IRAK1BP1: variants seen among roughly 807,000 people sequenced by gnomAD.
IRAK1BP1 encodes the protein interleukin-1 receptor-associated kinase 1-binding protein 1.
IRAK1BP1 carries 24 observed loss-of-function variants against 28.0 expected under a neutral mutation model. The ratio of observed to expected loss-of-function variants is 0.86; its 90% CI spans 0.62 to 1.20. The LOEUF (loss-of-function observed/expected upper bound fraction) is 1.20. IRAK1BP1 is among the 50% of genes most tolerant of loss of function. IRAK1BP1 has a pLI of 0.00. For synonymous variants in IRAK1BP1, 131 were observed against 116.3 expected, an observed-to-expected ratio of 1.13 and a Z score of -0.81; for missense variants, 336 against 316.7, an observed-to-expected ratio of 1.06 and a Z score of -0.46.
intron 2 of IRAK1BP1, among the ~76,000 whole-genome samples, chr6:78,892,504 T>C (rs933225318): frequency 2.0e-5 from 3 of 152,182 alleles, no homozygotes; most frequent in African/African-American, 7.2e-5. Flanking sequence ...GTATGAACTG[T>C]GGGATTTTAC....
chr6:78,970,873 G>C, the IRAK1BP1 span: 1 of 1,604,304 alleles, frequency 6.2e-7, no homozygotes, highest in African/African-American at 1.3e-5. Context: ...TCATGTCCTT[G>C]TCGGAAATAA....
the IRAK1BP1 span, among the ~76,000 whole-genome samples, chr6:78,961,514 A>T: frequency 6.6e-6 from 1 of 152,146 alleles, no homozygotes; most frequent in African/African-American, 2.4e-5. Context: ...TTAGAAATGC[A>T]GAATCTCAGG....
chr6:78,935,215 C>A (rs1179594816), intron 4 of IRAK1BP1, among the ~76,000 whole-genome samples: 1 of 151,858 alleles, frequency 6.6e-6, no homozygotes, highest in Non-Finnish European at 1.5e-5. Context: ...TTTTTTTTAC[C>A]TTCCTTCCTC....
intron 4 of IRAK1BP1, among the ~76,000 whole-genome samples, chr6:78,931,641 T>C (rs1406615089): frequency 6.6e-6 from 1 of 152,208 alleles, no homozygotes; most frequent in Non-Finnish European, 1.5e-5. Context: ...CTGTTACATG[T>C]GCAACAGAAT....
chr6:78,887,150 A>C (rs1357504882), intron 2 of IRAK1BP1, among the ~76,000 whole-genome samples: 1 of 152,182 alleles, frequency 6.6e-6, no homozygotes, highest in Non-Finnish European at 1.5e-5. Context: ...ATATGGAATG[A>C]GATTAGATGG....
At chr6:78,941,268 G>A in intron 4 of IRAK1BP1, 1 of 1,613,148 alleles carries the variant, frequency 6.2e-7, no homozygotes, top group Non-Finnish European at 8.5e-7. Flanking sequence ...AGTTTTGATG[G>A]CTGTCCTCCA....
chr6:78,918,254 G>T (rs1772613902), intron 4 of IRAK1BP1, among the ~76,000 whole-genome samples: 2 of 152,044 alleles, frequency 1.3e-5, no homozygotes, highest in Non-Finnish European at 1.5e-5. Flanking sequence ...CCATGATTAT[G>T]CCACTGCACT....
chr6:78,961,972 A>AC, the IRAK1BP1 span, among the ~76,000 whole-genome samples: 29 of 152,198 alleles, frequency 1.9e-4, no homozygotes, highest in Admixed American at 1.5e-3. Flanking sequence ...AAAGAGTCTC[A>AC]CTTTTTATTA....
chr6:78,924,441 A>G (rs1772830787), intron 4 of IRAK1BP1, among the ~76,000 whole-genome samples: 2 of 152,192 alleles, frequency 1.3e-5, no homozygotes. Flanking sequence ...TACCAAACAA[A>G]AAAAGCCCAG....
the IRAK1BP1 span, chr6:78,961,905 C>G: frequency 6.6e-6 from 6 of 912,836 alleles, no homozygotes; most frequent in African/African-American, 1.0e-4. Flanking sequence ...AAGTCCTAAT[C>G]TACATAATCA....
chr6:78,960,826 CA>C, the IRAK1BP1 span, among the ~76,000 whole-genome samples: 1 of 151,652 alleles, frequency 6.6e-6, no homozygotes, highest in South Asian at 2.1e-4. Context: ...AAATTTAAGT[CA>C]TAAAAAGAAC....
the IRAK1BP1 span, among the ~76,000 whole-genome samples, chr6:78,953,500 G>A: frequency 6.6e-6 from 1 of 152,180 alleles, no homozygotes; most frequent in Non-Finnish European, 1.5e-5. Context: ...AAATCCATAA[G>A]TTGTGAAAAC....
the IRAK1BP1 span, among the ~76,000 whole-genome samples, chr6:78,975,451 T>C: frequency 6.6e-6 from 1 of 152,202 alleles, no homozygotes; most frequent in Non-Finnish European, 1.5e-5. Flanking sequence ...GCATTCCCTT[T>C]GAAAACTGGC....
the IRAK1BP1 span, chr6:78,956,562 T>C: frequency 6.6e-6 from 1 of 152,140 alleles, no homozygotes; most frequent in African/African-American, 2.4e-5. Flanking sequence ...TATTTTAGAT[T>C]CATATTCAAA....
In IRAK1BP1 at chr6:78,877,993, G is replaced by A. The variant is rs544917693; in HGVS notation, c.316-7385G>A. Among the ~76,000 whole-genome samples, 655 of 151,130 alleles carry A rather than the reference G, an allele frequency of 4.3e-3. 15 individuals carry two copies. In the South Asian group the frequency reaches 0.071, roughly 16 times the overall value. On this transcript the variant is annotated intron_variant, in intron 1 of 3. Coordinates refer to ENST00000369940, the MANE Select transcript of IRAK1BP1 (RefSeq NM_001010844.4). The stretch of plus-strand genomic sequence containing the variant: ...GAGTAGGTAAAAAAAAAAAGCAGCC[G>A]GGAAGCTCAAACTGGGTGGATCCCA...
rs1772149004 is a variant in IRAK1BP1, at chr6:78,902,792, A to G, written c.*4458A>G. The G allele has an allele frequency of 2.5e-6, 1 of 401,688 alleles. No homozygotes were observed. The allele number at this position is 401,688 out of a possible 1,614,324, so 24.9% of individuals were successfully genotyped here. On this transcript the variant is annotated 3_prime_UTR_variant, in exon 4 of 4. Transcript: ENST00000369940. ...TCTACATACATACATACATACATAC[A>G]TACATACATACATACATACATACAT...
intron 4 of IRAK1BP1, among the ~76,000 whole-genome samples, chr6:78,930,525 C>G (rs1160861693): frequency 6.6e-6 from 1 of 152,012 alleles, no homozygotes; most frequent in East Asian, 1.9e-4. Context: ...TTTTAAATTA[C>G]CATCCTTTCA....
chr6:78,886,916 T>C (rs1203141102), intron 2 of IRAK1BP1, among the ~76,000 whole-genome samples: 2 of 152,200 alleles, frequency 1.3e-5, no homozygotes, highest in Non-Finnish European at 1.5e-5. Context: ...ATATTTTGTA[T>C]AGGGATTCCA....
At chr6:78,967,641 A>G in the IRAK1BP1 span, among the ~76,000 whole-genome samples, 1 of 152,186 alleles carries the variant, frequency 6.6e-6, no homozygotes, top group East Asian at 1.9e-4. Context: ...ACTTTAGAGA[A>G]ATATTAACCC....
Sources: allele counts gnomAD v4.1 joint callset (sites outside exome capture counted in the v4.1 genomes callset), GRCh38; gene constraint gnomAD v4.1.1; transcripts MANE v1.5; gene names NCBI Gene and HGNC (gene_info 2026-07-23, HGNC 2026-07-21).